The following HECTD4 variants were observed in gnomAD, a reference collection of about 807,000 sequenced individuals.
The protein encoded by HECTD4 is HECT domain E3 ubiquitin protein ligase 4.
In HECTD4, 114 loss-of-function variants were observed where a neutral mutation model predicts 471.5. The observed-to-expected ratio is 0.24, with a 90% CI of 0.21 to 0.28. HECTD4 has a LOEUF of 0.28. Among genes scored for constraint, HECTD4 ranks in the 10% least tolerant of loss-of-function variants. The pLI, the probability that HECTD4 is intolerant of heterozygous loss-of-function variation, is 1.00. For missense variants in HECTD4, 3,866 were observed against 5,651.5 expected, an observed-to-expected ratio of 0.68 and a Z score of 10.13; for synonymous variants, 2,012 against 2,256.0, an observed-to-expected ratio of 0.89 and a Z score of 3.07.
At position 112,213,069 on chromosome 12, in the gene HECTD4, T is replaced by TA. The variant is rs1375020938; in HGVS notation, c.7466-420dup. 1.4e-4 allele frequency among the ~76,000 whole-genome samples: 21 copies of TA among 152,200 alleles called. 1 individual carries two copies. On this transcript the variant is annotated intron_variant, in intron 48 of 75. Transcript: ENST00000682272. The surrounding 1 kb of genome is among the most constrained non-coding windows in gnomAD (Gnocchi z 4.0). ...CCTCGGCCTCTCAAAGTGCTGGAAT[T>TA]ACAGTCGTGAGCCACCACGCCCAGC...
At chr12:112,316,187 CCAAGCACAAG>C (rs1344637013) in intron 2 of HECTD4, among the ~76,000 whole-genome samples, 1 of 152,084 alleles carries the variant, frequency 6.6e-6, no homozygotes, top group Admixed American at 6.6e-5. Context: ...CTCAGATACC[CCAAGCACAAG>C]AATAATGTCA....
At chr12:112,301,768 T>C (rs2035169797) in intron 7 of HECTD4, 2 of 507,948 alleles carry the variant, frequency 3.9e-6, no homozygotes, top group East Asian at 4.5e-5. Flanking sequence ...TTGGTGCTTA[T>C]GTGAAGTTTT....
chr12:112,227,241 C>T (rs1345709193), intron 43 of HECTD4, among the ~76,000 whole-genome samples: 2 of 152,160 alleles, frequency 1.3e-5, no homozygotes, highest in African/African-American at 2.4e-5. Flanking sequence ...AGGTGGATCA[C>T]CAGAGGTCAG....
At chr12:112,316,076 T>C (rs972061935) in intron 2 of HECTD4, among the ~76,000 whole-genome samples, 1 of 152,118 alleles carries the variant, frequency 6.6e-6, no homozygotes, top group Admixed American at 6.5e-5. Context: ...AGTCCTTCCA[T>C]GGCTCACAAA....
intron 7 of HECTD4, among the ~76,000 whole-genome samples, chr12:112,296,659 T>C (rs1468694581): frequency 6.7e-6 from 1 of 149,668 alleles, no homozygotes; most frequent in East Asian, 2.0e-4. Flanking sequence ...TGGATGTAGG[T>C]GCAGAGGGTG....
chr12:112,288,778 A>C (rs907121426), intron 7 of HECTD4, among the ~76,000 whole-genome samples: 1 of 152,186 alleles, frequency 6.6e-6, no homozygotes, highest in African/African-American at 2.4e-5. Flanking sequence ...AGAGGATGAC[A>C]GGCCATCTTC....
At chr12:112,279,893 T>C (rs999977925) in intron 8 of HECTD4, among the ~76,000 whole-genome samples, 3 of 152,328 alleles carry the variant, frequency 2.0e-5, no homozygotes, top group East Asian at 3.9e-4. Context: ...AATATTCCAG[T>C]GAACATTTCC....
chr12:112,264,752 G>A (rs774493709), intron 16 of HECTD4, among the ~76,000 whole-genome samples: 9 of 152,056 alleles, frequency 5.9e-5, no homozygotes, highest in Admixed American at 1.3e-4. Flanking sequence ...AGTAATCCAC[G>A]GACTTTCATA....
rs1340389509 is a variant in HECTD4, at chr12:112,185,027, T to C, written c.9939A>G (p.Lys3313=). ...PQSPSLLSKR[K]KVKMKREKAS... ...CCTTTTCCCGCTTCATCTTGACTTT[T>C]TTCCTCTTGGAGAGGAGGCTGGGAC... Residue 3313 remains lysine, a synonymous_variant, in exon 61 of 76, where the codon AAA becomes AAG. Coordinates refer to ENST00000682272, the MANE Select transcript of HECTD4 (RefSeq NM_001388303.1). 1.2e-6 allele frequency: 2 copies of C among 1,600,878 alleles called. No homozygotes were observed. Among genetic ancestry groups the C allele is most frequent in the Non-Finnish European group, 1.7e-6 (2 of 1,173,776 alleles).
chr12:112,264,230 G>A lies in HECTD4; in HGVS notation c.2620-18C>T. 2 of 1,546,532 alleles carry A rather than the reference G, an allele frequency of 1.3e-6. No individual in the cohort carries two copies. Among genetic ancestry groups the A allele is most frequent in the Non-Finnish European group, 1.8e-6 (2 of 1,142,734 alleles). ...GATGCAGCCTTTAATACAAATAAGGGCATTTAAATGATCTAAATCCTACTG... is the reference window on the plus strand; with the variant it reads ...GATGCAGCCTTTAATACAAATAAGGACATTTAAATGATCTAAATCCTACTG... On this transcript the variant is annotated intron_variant, in intron 16 of 75. Coordinates refer to ENST00000682272, the MANE Select transcript of HECTD4 (RefSeq NM_001388303.1).
At chr12:112,209,920 T>TAATG (rs1225246897) in intron 50 of HECTD4, 95 bp downstream of exon 50, 1 of 1,031,346 alleles carries the variant, frequency 9.7e-7, no homozygotes, top group Non-Finnish European at 1.5e-6. Context: ...CTCCTGATTG[T>TAATG]AATGAGGATG....
At position 112,160,716 on chromosome 12, in the gene HECTD4, T is replaced by C. The variant is rs2030659450; in HGVS notation, c.*1671A>G. The stretch of plus-strand genomic sequence containing the variant: ...CTAATAAATCGAAAGGCTCTTTCAT[T>C]ATGCAGAAATGAAAATAAAAGGATC... On this transcript the variant is annotated 3_prime_UTR_variant, in exon 76 of 76. Coordinates refer to ENST00000682272, the MANE Select transcript of HECTD4 (RefSeq NM_001388303.1). 6.6e-6 allele frequency: 1 copy of C among 152,148 alleles called. No individual in the cohort carries two copies. Among genetic ancestry groups the C allele is most frequent in the African/African-American group, 2.4e-5 (1 of 41,436 alleles). The allele number at this position is 152,148 out of a possible 1,614,324, so 9.4% of individuals were successfully genotyped here. A position where few individuals can be genotyped will look rare whatever the true frequency, so the allele number is the denominator to read the frequency against.
rs200055540 is a variant in HECTD4, at chr12:112,213,699, C to T, written c.7466-1049G>A. 2.0e-5 allele frequency among the ~76,000 whole-genome samples: 2 copies of T among 99,676 alleles called. No homozygotes were observed. Among genetic ancestry groups the T allele is most frequent in the Non-Finnish European group, 3.7e-5 (2 of 53,824 alleles). 65.4% of individuals were successfully genotyped at this position (99,676 alleles called of 152,430 possible). A position where few individuals can be genotyped will look rare whatever the true frequency, so the allele number is the denominator to read the frequency against. On this transcript the variant is annotated intron_variant, in intron 48 of 75. Transcript: ENST00000682272. The surrounding 1 kb of genome is among the most constrained non-coding windows in gnomAD (Gnocchi z 4.0). ...AGACTCCGTCTCAAAAAAATATATA[C>T]ATATATATATATATATATATAATAT...
At chr12:112,355,985 G>A (rs942939752) in intron 1 of HECTD4, among the ~76,000 whole-genome samples, 2 of 151,968 alleles carry the variant, frequency 1.3e-5, no homozygotes, top group Non-Finnish European at 2.9e-5. Context: ...AAGGACTCTT[G>A]GATTATAAAC....
chr12:112,218,157 CAAA>C (rs778886623), intron 45 of HECTD4, among the ~76,000 whole-genome samples: 2 of 113,186 alleles, frequency 1.8e-5, no homozygotes, highest in Non-Finnish European at 1.9e-5. Flanking sequence ...GACTCCATTT[CAAA>C]AAAAAAAAAA....
At chr12:112,373,471 G>A (rs949055960) in intron 1 of HECTD4, among the ~76,000 whole-genome samples, 2 of 152,030 alleles carry the variant, frequency 1.3e-5, no homozygotes, top group African/African-American at 2.4e-5. Flanking sequence ...GCAGTGAGCC[G>A]AGATCACGCC....
intron 54 of HECTD4, 63 bp downstream of exon 54, chr12:112,203,573 T>C: frequency 3.0e-6 from 4 of 1,353,954 alleles, no homozygotes; most frequent in Non-Finnish European, 4.1e-6. Flanking sequence ...TACCTGGGAA[T>C]CTGGGTATGA....
rs1257506456 is a variant in HECTD4 at position 112,248,116 on chromosome 12, C to T, written c.4199G>A (p.Gly1400Glu). 9.9e-6 allele frequency: 16 copies of T among 1,613,424 alleles called. No homozygotes were observed. The highest frequency in any genetic ancestry group is 1.3e-5 in the Non-Finnish European group (15 of 1,179,782). The change falls in exon 27 of 76, where the codon GGG becomes GAG. Residue 1400 changes from glycine to glutamate, a missense_variant. Transcript: ENST00000682272. ...GAAAGGCATGTTGTTCTCCAGTTTC[C>T]CCTGCATGGCATCATCAACTTCACT... is the stretch of plus-strand genomic sequence containing the variant. ...WQSEVDDAMQ[G>E]KLENNMPFFY...
intron 23 of HECTD4, 137 bp from the exon 24 acceptor site, chr12:112,251,271 G>T: frequency 2.8e-6 from 2 of 714,560 alleles, no homozygotes; most frequent in Non-Finnish European, 4.4e-6. Flanking sequence ...AGGGGACACA[G>T]GTACAGCACC....
Sources: gnomAD v4.1 joint callset for allele counts (sites outside exome capture counted in the v4.1 genomes callset) on GRCh38, gnomAD v4.1.1 for gene constraint, Gnocchi (gnomAD v3.1) non-coding constraint, MANE v1.5 for transcripts, NCBI Gene and HGNC (gene_info 2026-07-23, HGNC 2026-07-21) for gene names.